The following DOK6 variants were observed in gnomAD, a reference collection of about 807,000 sequenced individuals.
DOK6 encodes the protein downstream of tyrosine kinase 6.
DOK6 carries 22 observed loss-of-function variants against 44.0 expected under a neutral mutation model. The ratio of observed to expected loss-of-function variants is 0.50; its 90% CI spans 0.36 to 0.71. DOK6 has a LOEUF of 0.71. Among genes scored for constraint, DOK6 ranks in the 30% least tolerant of loss-of-function variants. The pLI is 0.00. For synonymous variants in DOK6, 166 were observed against 145.5 expected (o/e 1.14, Z -1.01); for missense variants, 340 against 416.4 (o/e 0.82, Z 1.60).
intron 1 of DOK6, among the ~76,000 whole-genome samples, chr18:69,551,700 C>A (rs1169812151): frequency 1.3e-5 from 2 of 152,126 alleles, no homozygotes; most frequent in Non-Finnish European, 2.9e-5. Flanking sequence ...TAAAGAAAAT[C>A]ACTGTTATTT....
chr18:69,430,934 C>G (rs1276255380), intron 1 of DOK6, among the ~76,000 whole-genome samples: 1 of 152,166 alleles, frequency 6.6e-6, no homozygotes, highest in South Asian at 2.1e-4. Context: ...CCACTGCACT[C>G]TAGCCTGGCG....
At chr18:69,691,228 T>A (rs76300621) in intron 4 of DOK6, among the ~76,000 whole-genome samples, 126 of 144,562 alleles carry the variant, frequency 8.7e-4, no homozygotes, top group Non-Finnish European at 1.5e-3. Context: ...AATAAATAAA[T>A]AAAAATATAG....
At chr18:69,794,288 T>C (rs1980682196) in intron 7 of DOK6, among the ~76,000 whole-genome samples, 1 of 152,186 alleles carries the variant, frequency 6.6e-6, no homozygotes, top group Non-Finnish European at 1.5e-5. Context: ...TACAGAAGTA[T>C]CTGCCTTTTG....
At chr18:69,509,415 A>G (rs1599165187) in intron 1 of DOK6, among the ~76,000 whole-genome samples, 1 of 152,224 alleles carries the variant, frequency 6.6e-6, no homozygotes, top group Non-Finnish European at 1.5e-5. Flanking sequence ...AGGCGGGCGG[A>G]TCACGAGGTC....
At chr18:69,445,959 T>C (rs1049465432) in intron 1 of DOK6, among the ~76,000 whole-genome samples, 2 of 152,186 alleles carry the variant, frequency 1.3e-5, no homozygotes, top group African/African-American at 4.8e-5. Flanking sequence ...TCTACTTTCA[T>C]TCCTGATTTT....
At chr18:69,669,443 T>A (rs928476049) in intron 3 of DOK6, among the ~76,000 whole-genome samples, 11 of 152,154 alleles carry the variant, frequency 7.2e-5, no homozygotes, top group African/African-American at 2.4e-4. Flanking sequence ...TTGTTCTTTT[T>A]TATGGCTGCG....
At chr18:69,608,158 C>T (rs1017150368) in intron 3 of DOK6, among the ~76,000 whole-genome samples, 25 of 152,054 alleles carry the variant, frequency 1.6e-4, no homozygotes, top group African/African-American at 5.1e-4. Flanking sequence ...TTATAACAGC[C>T]TTTAATCTAT....
chr18:69,635,014 C>T (rs1440108900), intron 3 of DOK6, among the ~76,000 whole-genome samples: 1 of 152,210 alleles, frequency 6.6e-6, no homozygotes, highest in East Asian at 1.9e-4. Flanking sequence ...GCCAGGCACA[C>T]CTGTTTCTTA....
At chr18:69,647,073 C>CATCTGTCTATCCCATCTGTCTATCCT (rs1568321193) in intron 3 of DOK6, among the ~76,000 whole-genome samples, 21 of 123,068 alleles carry the variant, frequency 1.7e-4, no homozygotes, top group Non-Finnish European at 3.1e-4. Context: ...CTGTCTATCC[C>CATCTGTCTATCCCATCTGTCTATCCT]ATCTGTCTAT....
intron 1 of DOK6, among the ~76,000 whole-genome samples, chr18:69,475,724 T>C (rs1287899011): frequency 6.6e-6 from 1 of 152,212 alleles, no homozygotes; most frequent in Non-Finnish European, 1.5e-5. Flanking sequence ...CTTTAGATAC[T>C]ATCAGCTCTT....
chr18:69,623,342 C>A (rs1182281768), intron 3 of DOK6, among the ~76,000 whole-genome samples: 1 of 152,132 alleles, frequency 6.6e-6, no homozygotes, highest in African/African-American at 2.4e-5. Flanking sequence ...TAATACACCA[C>A]ACTTTGTTTT....
chr18:69,526,490 AGAT>A (rs1981834543), intron 1 of DOK6, among the ~76,000 whole-genome samples: 1 of 152,182 alleles, frequency 6.6e-6, no homozygotes, highest in African/African-American at 2.4e-5. Flanking sequence ...TTCATTCATC[AGAT>A]TATGGACATG....
intron 1 of DOK6, among the ~76,000 whole-genome samples, chr18:69,533,624 A>G (rs1407643905): frequency 1.3e-5 from 2 of 149,478 alleles, no homozygotes; most frequent in African/African-American, 5.1e-5. Flanking sequence ...TTATTTCAGT[A>G]TCCAATAGAA....
intron 1 of DOK6, among the ~76,000 whole-genome samples, chr18:69,493,119 A>G (rs1031902922): frequency 2.0e-5 from 3 of 152,192 alleles, no homozygotes; most frequent in African/African-American, 7.2e-5. Flanking sequence ...AGAACCTCCC[A>G]GGTGAAGTTT....
At chr18:69,806,807 T>C (rs1359803128) in intron 7 of DOK6, among the ~76,000 whole-genome samples, 1 of 151,946 alleles carries the variant, frequency 6.6e-6, no homozygotes, top group African/African-American at 2.4e-5. Context: ...TGCATGCAAA[T>C]TGACTGTTAC....
At position 69,518,430 on chromosome 18, in the gene DOK6, C is replaced by A. The variant is rs188949032; in HGVS notation, c.67-46057C>A. On this transcript the variant is annotated intron_variant, in intron 1 of 7. Coordinates refer to ENST00000382713, the MANE Select transcript of DOK6 (RefSeq NM_152721.6). Reference sequence around the variant, plus strand: ...TATTCTGATCTTGCTTCCTCAACAGCCCCCTTCTTATGGTCAGTTATAAGG... The same window carrying A: ...TATTCTGATCTTGCTTCCTCAACAGACCCCTTCTTATGGTCAGTTATAAGG... Among the ~76,000 whole-genome samples, 39 of 152,132 alleles carry A rather than the reference C, an allele frequency of 2.6e-4. No homozygotes were observed. In the East Asian group the frequency reaches 4.1e-3, roughly 16 times the overall value.
chr18:69,490,468 TAAG>T (rs1159214803), intron 1 of DOK6, among the ~76,000 whole-genome samples: 2 of 152,174 alleles, frequency 1.3e-5, no homozygotes, highest in Non-Finnish European at 2.9e-5. Context: ...TGTTTCAAGT[TAAG>T]AAGGGGTTTT....
chr18:69,793,067 A>T (rs926894292), intron 7 of DOK6, among the ~76,000 whole-genome samples: 3 of 152,142 alleles, frequency 2.0e-5, no homozygotes, highest in Non-Finnish European at 2.9e-5. Flanking sequence ...TTTTACTTTT[A>T]TTGTATTAAA....
chr18:69,718,108 G>A (rs1011041026), intron 5 of DOK6, among the ~76,000 whole-genome samples: 12 of 152,202 alleles, frequency 7.9e-5, no homozygotes, highest in Non-Finnish European at 2.9e-5. Context: ...GATGAGGACA[G>A]CAACAGAGAA....
Sources: allele counts gnomAD v4.1 joint callset (sites outside exome capture counted in the v4.1 genomes callset), GRCh38; gene constraint gnomAD v4.1.1; transcripts MANE v1.5; gene names NCBI Gene and HGNC (gene_info 2026-07-23, HGNC 2026-07-21).